The following CNGB3 variants were observed in gnomAD, a reference collection of about 807,000 sequenced individuals.
The protein encoded by CNGB3 is cyclic nucleotide-gated channel beta-3.
A neutral mutation model predicts 92.8 loss-of-function variants in CNGB3; 86 were observed. The observed-to-expected ratio is 0.93, with a 90% CI of 0.78 to 1.11. The LOEUF (loss-of-function observed/expected upper bound fraction) is 1.11, where lower values mean the gene tolerates loss of function less well. Ranked by LOEUF, CNGB3 falls within the 50% of genes least tolerant of loss-of-function variation. The pLI is 0.00. For synonymous variants in CNGB3, 333 were observed against 332.7 expected, an observed-to-expected ratio of 1.00 and a Z score of -0.01; for missense variants, 1,026 against 956.8, an observed-to-expected ratio of 1.07 and a Z score of -0.95.
intron 2 of CNGB3, among the ~76,000 whole-genome samples, chr8:86,732,426 A>G (rs943632944): frequency 6.6e-6 from 1 of 152,190 alleles, no homozygotes; most frequent in Non-Finnish European, 1.5e-5. Context: ...TGGACTGAAA[A>G]ATGAGTAAAT....
In CNGB3 at chr8:86,662,174, T is replaced by C. The variant is rs1264490545; in HGVS notation, c.852+4751A>G. Among the ~76,000 whole-genome samples, 1 of 152,242 alleles carries C rather than the reference T, an allele frequency of 6.6e-6. No individual in the cohort carries two copies. The highest frequency in any genetic ancestry group is 6.5e-5 in the Admixed American group (1 of 15,290). On this transcript the variant is annotated intron_variant, in intron 6 of 17. Transcript: ENST00000320005. ...CGCAACCCGTATTCACTCCTTCTGA[T>C]AAACAATTCACAGAAACTTCATAAT... is the stretch of plus-strand genomic sequence containing the variant.
At chr8:86,724,952 G>A (rs1439419656) in intron 3 of CNGB3, among the ~76,000 whole-genome samples, 1 of 152,118 alleles carries the variant, frequency 6.6e-6, no homozygotes, top group Non-Finnish European at 1.5e-5. Flanking sequence ...ACCAGGCAGG[G>A]CCTGAGAGGT....
intron 8 of CNGB3, among the ~76,000 whole-genome samples, 191 bp from the exon 9 acceptor site, chr8:86,644,877 A>AGCTTTATTTT (rs1823267752): frequency 6.6e-6 from 1 of 151,004 alleles, no homozygotes; most frequent in African/African-American, 2.4e-5. Context: ...ATACTTCCAG[A>AGCTTTATTTT]GCTTTATTTT....
At chr8:86,688,865 CT>C (rs563744638) in intron 3 of CNGB3, among the ~76,000 whole-genome samples, 188 of 151,752 alleles carry the variant, frequency 1.2e-3, no homozygotes, top group Non-Finnish European at 2.0e-3. Context: ...TCTCTTGCTT[CT>C]CTTGTTCTTT....
intron 15 of CNGB3, among the ~76,000 whole-genome samples, chr8:86,603,704 G>T (rs1822355801): frequency 6.6e-6 from 1 of 152,128 alleles, no homozygotes; most frequent in South Asian, 2.1e-4. Flanking sequence ...AGGAAATTTG[G>T]TCCCACAGCT....
intron 2 of CNGB3, among the ~76,000 whole-genome samples, chr8:86,736,195 T>C (rs758120127): frequency 2.6e-5 from 4 of 152,230 alleles, no homozygotes; most frequent in Middle Eastern, 3.2e-3. Context: ...TGCACCTGCA[T>C]GTTTTGAAGT....
intron 15 of CNGB3, among the ~76,000 whole-genome samples, chr8:86,581,703 A>T (rs1400938417): frequency 1.3e-5 from 2 of 151,912 alleles, no homozygotes; most frequent in Non-Finnish European, 2.9e-5. Flanking sequence ...TTTATCACAG[A>T]ATTATAAATT....
intron 15 of CNGB3, among the ~76,000 whole-genome samples, 182 bp downstream of exon 15, chr8:86,603,911 G>A (rs1197282873): frequency 1.3e-5 from 2 of 152,200 alleles, no homozygotes; most frequent in East Asian, 3.8e-4. Context: ...GAATGACCCA[G>A]TTCTTTTCCT....
At chr8:86,729,524 T>A (rs13251005) in intron 2 of CNGB3, among the ~76,000 whole-genome samples, 28,721 of 152,250 alleles carry the variant, frequency 0.19, 3,344 homozygotes, top group South Asian at 0.3. Flanking sequence ...CAGCCTAATT[T>A]GATTTGTGGA....
At chr8:86,681,014 G>A (rs1563752455) in intron 3 of CNGB3, among the ~76,000 whole-genome samples, 1 of 152,110 alleles carries the variant, frequency 6.6e-6, no homozygotes, top group Non-Finnish European at 1.5e-5. Flanking sequence ...GTCCACTACA[G>A]ATATACACAA....
intron 15 of CNGB3, among the ~76,000 whole-genome samples, chr8:86,599,167 T>A (rs908783155): frequency 6.6e-6 from 1 of 152,382 alleles, no homozygotes; most frequent in Non-Finnish European, 1.5e-5. Context: ...AATACTTTTA[T>A]AATTTCTTAT....
rs1351687258 is a variant in CNGB3 at position 86,668,163 on chromosome 8, G to A, written c.499C>T (p.Pro167Ser). 1.4e-5 allele frequency: 23 copies of A among 1,611,182 alleles called. No individual in the cohort carries two copies. The highest frequency in any genetic ancestry group is 1.7e-5 in the Non-Finnish European group (20 of 1,179,168). The change falls in exon 5 of 18, where the codon CCC (proline) becomes TCC (serine). Residue 167 changes from proline (P) to serine (S), a missense_variant. By Grantham distance (74) the Pro-to-Ser change is moderately conservative. Coordinates refer to ENST00000320005, the MANE Select transcript of CNGB3 (RefSeq NM_019098.5). ...TCTTTTACTGGTGGTACAGCCGTGG[G>A]CTTTGCTTCATAGGGAAAAAAAAAA... ...SPEASPQTAK[P>S]TAVPPVKESD...
chr8:86,618,308 C>G (rs1822655654), intron 13 of CNGB3, among the ~76,000 whole-genome samples: 1 of 152,144 alleles, frequency 6.6e-6, no homozygotes, highest in Non-Finnish European at 1.5e-5. Context: ...GTGGGGACCC[C>G]TGATCTAATC....
In CNGB3 at chr8:86,626,018, T is replaced by C. The variant is rs998995220; in HGVS notation, c.1543A>G (p.Asn515Asp). ...TCGACTTTGCTGATGATGCTGAAGT[T>C]CACATCAATGGCGAGGGCTAACTGG... ...TVQLALAIDV[N>D]FSIISKVDLF... is the part of the protein sequence containing the mutation. Residue 515 changes from asparagine (N) to aspartate (D), a missense_variant, in exon 13 of 18, where the codon AAC becomes GAC. By Grantham distance (23) the Asn-to-Asp change is conservative (BLOSUM62 1). Transcript: ENST00000320005. 8 of 1,613,758 alleles carry C rather than the reference T, an allele frequency of 5.0e-6. No homozygotes were observed. The highest frequency in any genetic ancestry group is 6.8e-6 in the Non-Finnish European group (8 of 1,179,900).
intron 3 of CNGB3, among the ~76,000 whole-genome samples, chr8:86,715,460 T>C (rs1334331206): frequency 6.6e-6 from 1 of 151,968 alleles, no homozygotes; most frequent in Non-Finnish European, 1.5e-5. Flanking sequence ...TCACTGCAGT[T>C]CAGCCCTAAA....
chr8:86,591,914 C>T (rs913573846), intron 15 of CNGB3, among the ~76,000 whole-genome samples: 3 of 152,226 alleles, frequency 2.0e-5, no homozygotes, highest in African/African-American at 4.8e-5. Flanking sequence ...CAAGCCTGGG[C>T]AATGGCGGGC....
At chr8:86,592,202 C>T (rs749683096) in intron 15 of CNGB3, among the ~76,000 whole-genome samples, 22 of 152,158 alleles carry the variant, frequency 1.4e-4, no homozygotes, top group Admixed American at 4.6e-4. Context: ...CTTTGGCTCA[C>T]GCACGGTGCG....
Position 86,632,696 on chromosome 8 carries a change from C to T in CNGB3, c.1320+56G>A, listed in dbSNP as rs67463707. 0.076 allele frequency: 118,960 copies of T among 1,557,206 alleles called. 4,887 individuals carry two copies. Among genetic ancestry groups the T allele is most frequent in the African/African-American group, 0.12 (8,686 of 73,684 alleles). On this transcript the variant is annotated intron_variant, in intron 11 of 17. Coordinates refer to ENST00000320005, the MANE Select transcript of CNGB3 (RefSeq NM_019098.5). ...TTTCCTCCATAAAGTTTACAAAGAC[C>T]TGTTAGTCTTTCAAAATGACAGCAC... is the stretch of plus-strand genomic sequence containing the variant.
chr8:86,626,969 C>G (rs1822861486), intron 12 of CNGB3, among the ~76,000 whole-genome samples: 1 of 151,704 alleles, frequency 6.6e-6, no homozygotes. Flanking sequence ...AGTTTAGTAC[C>G]TATTCATCGT....
Sources: gnomAD v4.1 joint callset for allele counts (sites outside exome capture counted in the v4.1 genomes callset) on GRCh38, gnomAD v4.1.1 for gene constraint, MANE v1.5 for transcripts, NCBI Gene and HGNC (gene_info 2026-07-23, HGNC 2026-07-21) for gene names.